SLC9A9: variants seen among roughly 807,000 people sequenced by gnomAD.
SLC9A9 encodes solute carrier family 9 member A9.
SLC9A9 carries 62 observed loss-of-function variants against 77.8 expected under a neutral mutation model. The ratio of observed to expected loss-of-function variants is 0.80; its 90% CI spans 0.65 to 0.98. The LOEUF (loss-of-function observed/expected upper bound fraction) is 0.98. Ranked by LOEUF, SLC9A9 falls within the 50% of genes least tolerant of loss-of-function variation. SLC9A9 has a pLI of 0.00. For synonymous variants in SLC9A9, 320 were observed against 283.5 expected (o/e 1.13, Z -1.29); for missense variants, 775 against 774.9 (o/e 1.00, Z 0.00).
chr3:143,401,276 C>T (rs921493672), intron 12 of SLC9A9, among the ~76,000 whole-genome samples: 1 of 152,098 alleles, frequency 6.6e-6, no homozygotes, highest in Non-Finnish European at 1.5e-5. Context: ...TCTACCCCAC[C>T]CAGCTACCCT....
At chr3:143,820,852 T>C (rs1410319522) in intron 2 of SLC9A9, among the ~76,000 whole-genome samples, 5 of 152,168 alleles carry the variant, frequency 3.3e-5, no homozygotes, top group Admixed American at 2.0e-4. Flanking sequence ...AAGAAACTGC[T>C]TTCTATCACT....
intron 4 of SLC9A9, among the ~76,000 whole-genome samples, chr3:143,720,153 T>C (rs2108801977): frequency 6.6e-6 from 1 of 151,178 alleles, no homozygotes; most frequent in East Asian, 1.9e-4. Flanking sequence ...ACATCTCACA[T>C]CTTATATAGT....
chr3:143,574,928 T>C (rs1444057426), intron 7 of SLC9A9, among the ~76,000 whole-genome samples: 1 of 152,122 alleles, frequency 6.6e-6, no homozygotes, highest in Non-Finnish European at 1.5e-5. Context: ...TGCAATTGTG[T>C]CAATATTAGG....
intron 9 of SLC9A9, among the ~76,000 whole-genome samples, chr3:143,551,196 AAG>A (rs1316048236): frequency 6.6e-6 from 1 of 151,964 alleles, no homozygotes; most frequent in Non-Finnish European, 1.5e-5. Flanking sequence ...TCCAGAGGCT[AAG>A]AGAGAGAGAG....
At chr3:143,739,566 A>G (rs1481047896) in intron 4 of SLC9A9, among the ~76,000 whole-genome samples, 1 of 152,244 alleles carries the variant, frequency 6.6e-6, no homozygotes, top group African/African-American at 2.4e-5. Flanking sequence ...CATTCTTACT[A>G]GTCTTACTTT....
chr3:143,496,722 G>C (rs2035840751), intron 9 of SLC9A9, among the ~76,000 whole-genome samples: 2 of 152,098 alleles, frequency 1.3e-5, no homozygotes, highest in South Asian at 4.1e-4. Flanking sequence ...AAAATGTAGG[G>C]GACAGGGAAT....
At chr3:143,634,665 C>T (rs534235382) in intron 6 of SLC9A9, among the ~76,000 whole-genome samples, 13 of 152,244 alleles carry the variant, frequency 8.5e-5, no homozygotes, top group African/African-American at 2.9e-4. Flanking sequence ...CACACACACA[C>T]ACATATAGAG....
intron 6 of SLC9A9, among the ~76,000 whole-genome samples, chr3:143,593,593 G>C (rs2037697347): frequency 6.6e-6 from 1 of 152,148 alleles, no homozygotes; most frequent in Non-Finnish European, 1.5e-5. Context: ...TAGGAGAGGA[G>C]AGTGTCATTT....
intron 14 of SLC9A9, among the ~76,000 whole-genome samples, chr3:143,311,309 A>C (rs546820652): frequency 1.3e-5 from 2 of 152,354 alleles, no homozygotes; most frequent in South Asian, 4.1e-4. Context: ...CATACACATC[A>C]TTCTCATGTG....
intron 5 of SLC9A9, among the ~76,000 whole-genome samples, chr3:143,690,749 C>A (rs936339527): frequency 1.3e-5 from 2 of 152,076 alleles, no homozygotes; most frequent in Admixed American, 1.3e-4. Context: ...GGATGCTACA[C>A]AACACATTAT....
chr3:143,618,924 T>G (rs947616352), intron 6 of SLC9A9, among the ~76,000 whole-genome samples: 1 of 152,224 alleles, frequency 6.6e-6, no homozygotes, highest in Non-Finnish European at 1.5e-5. Context: ...GCAGTTTCCA[T>G]GGAGCATCAC....
chr3:143,297,443 T>C (rs1219339084), intron 14 of SLC9A9, among the ~76,000 whole-genome samples: 1 of 152,258 alleles, frequency 6.6e-6, no homozygotes, highest in African/African-American at 2.4e-5. Flanking sequence ...TCTAGCTTTG[T>C]AGTATAATTT....
intron 4 of SLC9A9, among the ~76,000 whole-genome samples, chr3:143,723,475 G>A (rs7642987): frequency 1.3e-5 from 2 of 152,046 alleles, no homozygotes; most frequent in Non-Finnish European, 2.9e-5. Context: ...CCGGGGAGTG[G>A]GGACACAAGA....
At chr3:143,755,837 G>C (rs933800574) in intron 4 of SLC9A9, among the ~76,000 whole-genome samples, 4 of 152,148 alleles carry the variant, frequency 2.6e-5, no homozygotes, top group African/African-American at 9.7e-5. Flanking sequence ...GTGTGTGTGT[G>C]TGTGTCTGTG....
intron 14 of SLC9A9, among the ~76,000 whole-genome samples, chr3:143,270,234 A>AT (rs1937861552): frequency 6.6e-6 from 1 of 152,210 alleles, no homozygotes; most frequent in Non-Finnish European, 1.5e-5. Context: ...ATATCTTGTA[A>AT]ATATATCTAC....
chr3:143,425,080 C>A (rs2108530800), intron 12 of SLC9A9, among the ~76,000 whole-genome samples: 1 of 152,306 alleles, frequency 6.6e-6, no homozygotes, highest in South Asian at 2.1e-4. Flanking sequence ...GTCTGTTGTG[C>A]TCCTTCTGAC....
chr3:143,788,626 G>A (rs1233778322), intron 4 of SLC9A9, among the ~76,000 whole-genome samples: 1 of 144,514 alleles, frequency 6.9e-6, no homozygotes, highest in African/African-American at 2.7e-5. Context: ...GGGAGGTGGA[G>A]GTTGCAGTGA....
At chr3:143,643,866 C>G (rs1442296483) in intron 6 of SLC9A9, among the ~76,000 whole-genome samples, 1 of 151,620 alleles carries the variant, frequency 6.6e-6, no homozygotes, top group Admixed American at 6.6e-5. Flanking sequence ...TAATTCCCTT[C>G]GAGTATTATG....
intron 4 of SLC9A9, among the ~76,000 whole-genome samples, chr3:143,794,769 G>T (rs536238897): frequency 5.3e-5 from 8 of 152,288 alleles, no homozygotes; most frequent in Admixed American, 2.0e-4. Flanking sequence ...CATTCCCTAA[G>T]TCAGAAGTCC....
Sources: allele counts gnomAD v4.1 joint callset (sites outside exome capture counted in the v4.1 genomes callset), GRCh38; gene constraint gnomAD v4.1.1; transcripts MANE v1.5; gene names NCBI Gene and HGNC (gene_info 2026-07-23, HGNC 2026-07-21).